The following FNDC3A variants were observed in gnomAD, a reference collection of about 807,000 sequenced individuals.
FNDC3A encodes the protein fibronectin type III domain containing 3A.
FNDC3A carries 32 observed loss-of-function variants against 148.9 expected under a neutral mutation model. That is an observed-to-expected ratio of 0.21 (90% CI 0.16 to 0.29). FNDC3A has a LOEUF of 0.29. Ranked by LOEUF, FNDC3A falls within the 10% of genes least tolerant of loss-of-function variation. FNDC3A has a pLI of 1.00. For missense variants in FNDC3A, 1,191 were observed against 1,452.8 expected (o/e 0.82, Z 2.93); for synonymous variants, 472 against 473.6 (o/e 1.00, Z 0.04).
chr13:49,032,249 C>T (rs145659257), intron 2 of FNDC3A, among the ~76,000 whole-genome samples: 2 of 151,220 alleles, frequency 1.3e-5, no homozygotes, highest in Admixed American at 1.3e-4. Flanking sequence ...GACAGTTAAA[C>T]ATAGTGTTAC....
At chr13:49,167,176 G>T in intron 8 of FNDC3A, 68 bp from the exon 9 acceptor site, 1 of 878,540 alleles carries the variant, frequency 1.1e-6, no homozygotes, top group Non-Finnish European at 1.8e-6. Context: ...AAACTATAGT[G>T]TATATAATGT....
At chr13:49,153,055 A>G (rs1883417150) in intron 8 of FNDC3A, among the ~76,000 whole-genome samples, 1 of 151,988 alleles carries the variant, frequency 6.6e-6, no homozygotes, top group East Asian at 1.9e-4. Flanking sequence ...GGCTGGGTCA[A>G]ATGGTATTTC....
intron 3 of FNDC3A, among the ~76,000 whole-genome samples, chr13:49,095,939 CTTTG>C (rs1177774218): frequency 6.6e-6 from 1 of 151,996 alleles, no homozygotes; most frequent in Non-Finnish European, 1.5e-5. Context: ...TTCCTGGTTC[CTTTG>C]TTTGTATGGC....
At chr13:49,097,209 A>C (rs1490027323) in intron 3 of FNDC3A, among the ~76,000 whole-genome samples, 2 of 152,044 alleles carry the variant, frequency 1.3e-5, no homozygotes, top group African/African-American at 4.8e-5. Context: ...GGAGGGTGAG[A>C]AGAAACTAGG....
At position 49,081,604 on chromosome 13, in the gene FNDC3A, T is replaced by C. The variant is rs537548902; in HGVS notation, c.175+6240T>C. ...GAAGATTATTATTAGGCCGTATCTT[T>C]TGGGATATATTACTTATATCTGTGG... is the stretch of plus-strand genomic sequence containing the variant. On this transcript the variant is annotated intron_variant, in intron 3 of 25. Coordinates refer to ENST00000492622, the MANE Select transcript of FNDC3A (RefSeq NM_001079673.2). Among the ~76,000 whole-genome samples, 7 of 152,308 alleles carry C rather than the reference T, an allele frequency of 4.6e-5. No individual in the cohort carries two copies. The East Asian group carries it at 1.4e-3, about 29-fold the overall frequency.
At chr13:49,110,495 A>G in intron 3 of FNDC3A, 1 of 884,060 alleles carries the variant, frequency 1.1e-6, no homozygotes, top group South Asian at 1.4e-5. Flanking sequence ...GTTTTTAAAA[A>G]TAGATGCTAA....
chr13:49,176,212 G>C (rs1263736118), intron 13 of FNDC3A, among the ~76,000 whole-genome samples: 1 of 152,194 alleles, frequency 6.6e-6, no homozygotes, highest in Admixed American at 6.5e-5. Context: ...CATAAAATGA[G>C]TTAGGGAGGA....
At chr13:49,090,514 C>G (rs936280476) in intron 3 of FNDC3A, among the ~76,000 whole-genome samples, 33 of 152,222 alleles carry the variant, frequency 2.2e-4, no homozygotes, top group Non-Finnish European at 3.8e-4. Flanking sequence ...TGACCTCTGA[C>G]TGCTGCTTCT....
chr13:49,047,146 AT>A (rs199748221), intron 2 of FNDC3A, among the ~76,000 whole-genome samples: 5,330 of 143,388 alleles, frequency 0.037, 193 homozygotes, highest in African/African-American at 0.095. Context: ...AAGTGCCATT[AT>A]TTTTTTTTTT....
intron 2 of FNDC3A, among the ~76,000 whole-genome samples, chr13:49,043,203 G>A (rs1875086570): frequency 6.6e-6 from 1 of 151,860 alleles, no homozygotes; most frequent in African/African-American, 2.4e-5. Flanking sequence ...TGGGCTCAAG[G>A]TATCCTCCCA....
rs1566316649 is a variant in FNDC3A, at chr13:49,188,503, C to G, written c.1826-12C>G. ...CCTAGTATCTGATTGAACACAATTC[C>G]TCACCTTACAGGAAACAAATGGGAA... On this transcript the variant is annotated splice_polypyrimidine_tract_variant and intron_variant, in intron 16 of 25. Coordinates refer to ENST00000492622, the MANE Select transcript of FNDC3A (RefSeq NM_001079673.2). The G allele has an allele frequency of 6.4e-7, 1 of 1,552,544 alleles. No individual in the cohort carries two copies.
intron 1 of FNDC3A, among the ~76,000 whole-genome samples, chr13:48,978,300 C>T (rs1951638529): frequency 6.6e-6 from 1 of 152,028 alleles, no homozygotes; most frequent in African/African-American, 2.4e-5. Context: ...ATCCTTAACC[C>T]CCCGAAAAAA....
chr13:49,052,817 C>T (rs1875937388), intron 2 of FNDC3A, among the ~76,000 whole-genome samples: 1 of 152,130 alleles, frequency 6.6e-6, no homozygotes, highest in Non-Finnish European at 1.5e-5. Flanking sequence ...GCTACCAGGG[C>T]AGGTGGAAAA....
At chr13:49,043,982 G>A (rs1289078135) in intron 2 of FNDC3A, 2 of 152,222 alleles carry the variant, frequency 1.3e-5, no homozygotes, top group Non-Finnish European at 2.9e-5. Flanking sequence ...ATTGTTTGTA[G>A]TTTACCAGAA....
intron 4 of FNDC3A, among the ~76,000 whole-genome samples, chr13:49,125,688 GCATCAACC>G (rs1881650850): frequency 6.6e-6 from 1 of 152,108 alleles, no homozygotes; most frequent in African/African-American, 2.4e-5. Context: ...AACTATTAGA[GCATCAACC>G]CATGTGCTAG....
intron 8 of FNDC3A, among the ~76,000 whole-genome samples, chr13:49,158,230 G>T (rs189819374): frequency 6.6e-6 from 1 of 152,180 alleles, no homozygotes; most frequent in African/African-American, 2.4e-5. Context: ...GTGGTGCGCC[G>T]TTTTTTAAGC....
rs568917325 is a variant in FNDC3A at position 49,164,792 on chromosome 13, G to T, written c.978-2452G>T. Among the ~76,000 whole-genome samples the T allele has an allele frequency of 2.6e-5, 4 of 152,064 alleles. No homozygotes were observed. In the East Asian group the frequency reaches 7.7e-4, roughly 29 times the overall value. Reference sequence around the variant, plus strand: ...GGCCGGCTAATTTTTTGCATTTTTAGTAGAAATGGAGTTTCGCCTTGTTGG... The same window carrying T: ...GGCCGGCTAATTTTTTGCATTTTTATTAGAAATGGAGTTTCGCCTTGTTGG... On this transcript the variant is annotated intron_variant, in intron 8 of 25. Transcript: ENST00000492622.
rs1193011607 is a variant in FNDC3A at position 49,208,953 on chromosome 13, A to G, written c.*1558A>G. The G allele has an allele frequency of 1.3e-5, 2 of 152,608 alleles. No homozygotes were observed. Among genetic ancestry groups the G allele is most frequent in the African/African-American group, 2.4e-5 (1 of 41,436 alleles). The allele number at this position is 152,608 out of a possible 1,614,324, so 9.5% of individuals were successfully genotyped here. ...CATGTATTGTAACAGTTTTATGTCA[A>G]ATGATCTGTGCTGTAGAAAAACATT... On this transcript the variant is annotated 3_prime_UTR_variant, in exon 26 of 26. Transcript: ENST00000492622.
chr13:49,110,226 T>G (rs1387989332), intron 3 of FNDC3A: 3 of 745,472 alleles, frequency 4.0e-6, no homozygotes, highest in South Asian at 6.4e-5. Flanking sequence ...CCCTTGCCCT[T>G]TCCTGGGTCA....
Sources: gnomAD v4.1 joint callset for allele counts (sites outside exome capture counted in the v4.1 genomes callset) on GRCh38, gnomAD v4.1.1 for gene constraint, MANE v1.5 for transcripts, NCBI Gene and HGNC (gene_info 2026-07-23, HGNC 2026-07-21) for gene names.